ANTXRL: variants seen among roughly 807,000 people sequenced by gnomAD.
ANTXRL encodes ANTXR like.
Under a neutral mutation model 75.4 loss-of-function variants are expected in ANTXRL, and 63 were observed. The observed-to-expected ratio is 0.84, with a 90% CI of 0.68 to 1.03. The LOEUF (loss-of-function observed/expected upper bound fraction) is 1.03. Among genes scored for constraint, ANTXRL ranks in the 50% least tolerant of loss-of-function variants. The pLI is 0.00. For missense variants in ANTXRL, 797 were observed against 789.4 expected, an observed-to-expected ratio of 1.01 and a Z score of -0.12; for synonymous variants, 335 against 291.3, an observed-to-expected ratio of 1.15 and a Z score of -1.53.
At position 46,287,416 on chromosome 10, in the gene ANTXRL, C is replaced by T. The variant is rs782586069; in HGVS notation, c.154C>T (p.His52Tyr). 3 of 1,535,790 alleles carry T rather than the reference C, an allele frequency of 2.0e-6. No homozygotes were observed. Among genetic ancestry groups the T allele is most frequent in the African/African-American group, 1.4e-5 (1 of 72,972 alleles). ...RLALGSRRAHHHHGPGWRQHW... is the reference protein window; with the variant it reads ...RLALGSRRAHYHHGPGWRQHW... ...GGCCCTGGGCTCCAGGAGAGCCCAC[C>T]ACCACCATGGCCCAGGATGGAGGCA... The change falls in exon 1 of 17, where the codon CAC (histidine) becomes TAC (tyrosine). Residue 52 changes from histidine to tyrosine, a missense_variant. By Grantham distance (83) the His-to-Tyr change is moderately conservative. Coordinates refer to ENST00000620264, the MANE Select transcript of ANTXRL (RefSeq NM_001278688.3).
At position 46,296,065 on chromosome 10, in the gene ANTXRL, G is replaced by C; in HGVS notation, c.439G>C (p.Asp147His). ...TGACCAACTTCAGAAAATTGTGCCTGACGGTCACACATTCATGCAGGCAGG... is the reference window on the plus strand; with the variant it reads ...TGACCAACTTCAGAAAATTGTGCCTCACGGTCACACATTCATGCAGGCAGG... ...GLDQLQKIVP[D>H]GHTFMQAGFR... The change falls in exon 4 of 17, where the codon GAC (aspartate) becomes CAC (histidine). Residue 147 changes from aspartate (D) to histidine (H), a missense_variant. This residue lies in a region of ANTXRL where 262 missense variants were observed against 271.9 expected (regional missense o/e 0.96). Transcript: ENST00000620264. 2 of 1,535,966 alleles carry C rather than the reference G, an allele frequency of 1.3e-6. No homozygotes were observed. Among genetic ancestry groups the C allele is most frequent in the Non-Finnish European group, 1.7e-6 (2 of 1,146,764 alleles).
At chr10:46,301,276 T>G (rs1837725183) in intron 9 of ANTXRL, among the ~76,000 whole-genome samples, 2 of 152,220 alleles carry the variant, frequency 1.3e-5, no homozygotes, top group African/African-American at 2.4e-5. Context: ...TGGAAGCAGC[T>G]GCTGTCAGCC....
chr10:46,298,673 C>T (rs1199646169), intron 9 of ANTXRL, among the ~76,000 whole-genome samples: 2 of 148,956 alleles, frequency 1.3e-5, no homozygotes, highest in East Asian at 2.0e-4. Context: ...GTGTTTGTGT[C>T]GTATGGGGAG....
intron 8 of ANTXRL, 21 bp from the exon 9 acceptor site, chr10:46,297,981 C>T (rs1554959474): frequency 3.3e-6 from 5 of 1,535,820 alleles, no homozygotes; most frequent in East Asian, 2.4e-5. Context: ...CCTGTCCCGC[C>T]CCACCCCTCC....
chr10:46,292,058 G>A lies in ANTXRL; in HGVS notation c.249G>A (p.Lys83=). ...GSFDLYFILD[K]SGSVNNNWID... ...TGACCCACATCTCCTTTTGTTTTAG[G>A]TCTGGCAGCGTGAACAATAACTGGA... Residue 83 remains lysine, a splice_region_variant and synonymous_variant, in exon 2 of 17, where the codon AAG becomes AAA. Transcript: ENST00000620264. 1.3e-6 allele frequency: 2 copies of A among 1,536,220 alleles called. No homozygotes were observed. The highest frequency in any genetic ancestry group is 1.7e-4 in the Middle Eastern group (1 of 5,980).
chr10:46,303,216 C>T (rs1216444448), intron 10 of ANTXRL, among the ~76,000 whole-genome samples: 1 of 152,148 alleles, frequency 6.6e-6, no homozygotes, highest in Non-Finnish European at 1.5e-5. Context: ...CCTGAATGGC[C>T]AGGTGCACCA....
At chr10:46,297,136 G>A in intron 5 of ANTXRL, 116 bp from the exon 6 acceptor site, 1 of 830,962 alleles carries the variant, frequency 1.2e-6, no homozygotes, top group Admixed American at 2.3e-5. Context: ...GGGGGCACGT[G>A]GCCATGCCCT....
At position 46,311,638 on chromosome 10, in the gene ANTXRL, A is replaced by T. The variant is rs1172816737; in HGVS notation, c.1302A>T (p.Gln434His). ...PTVIICCCGC[Q>H]GVGGMRRIEG... ...TGATTATTTGTTGCTGTGGATGCCA[A>T]GGAGTGGGCGGGATGAGAAGGATAG... is the stretch of plus-strand genomic sequence containing the variant. Residue 434 changes from glutamine to histidine, a missense_variant, in exon 15 of 17, where the codon CAA (glutamine) becomes CAT (histidine). By Grantham distance (24) the Gln-to-His change is conservative. Transcript: ENST00000620264. 8.1e-7 allele frequency: 1 copy of T among 1,234,260 alleles called. No homozygotes were observed. Among genetic ancestry groups the T allele is most frequent in the Non-Finnish European group, 1.1e-6 (1 of 871,230 alleles). 76.5% of individuals were successfully genotyped at this position (1,234,260 alleles called of 1,614,324 possible).
chr10:46,315,039 C>G (rs1187181599), intron 16 of ANTXRL, among the ~76,000 whole-genome samples: 1 of 152,204 alleles, frequency 6.6e-6, no homozygotes, highest in Non-Finnish European at 1.5e-5. Context: ...TTCAGACAAT[C>G]TGGCAGGAGT....
rs1838178759 is a variant in ANTXRL, at chr10:46,307,734, T to C, written c.1044+254T>C. ...AGGAGCCCTGGAGGATTCCACACAC[T>C]GCCGTCAGGGTATGTGTGTGCTGCT... On this transcript the variant is annotated intron_variant, in intron 12 of 16. Transcript: ENST00000620264. 3.3e-5 allele frequency among the ~76,000 whole-genome samples: 5 copies of C among 152,188 alleles called. No homozygotes were observed. The South Asian group carries it at 8.3e-4, about 25-fold the overall frequency.
intron 1 of ANTXRL, among the ~76,000 whole-genome samples, chr10:46,289,761 CTA>C (rs1335308412): frequency 1.3e-5 from 2 of 152,038 alleles, no homozygotes; most frequent in Non-Finnish European, 2.9e-5. Flanking sequence ...CAAAAAACTT[CTA>C]TTTCCATTAA....
chr10:46,306,545 T>C (rs1169517578), intron 10 of ANTXRL, among the ~76,000 whole-genome samples: 1 of 152,102 alleles, frequency 6.6e-6, no homozygotes, highest in Admixed American at 6.5e-5. Flanking sequence ...GTTTTTTATT[T>C]TGTTTTCTGT....
intron 9 of ANTXRL, among the ~76,000 whole-genome samples, chr10:46,299,562 G>A (rs1554959937): frequency 6.6e-6 from 1 of 152,076 alleles, no homozygotes. Context: ...ACATTACTAG[G>A]CCCTTAGCAA....
At chr10:46,308,493 C>A in intron 12 of ANTXRL, 1 of 449,068 alleles carries the variant, frequency 2.2e-6, no homozygotes, top group Non-Finnish European at 4.5e-6. Flanking sequence ...ATGAGGAAGG[C>A]CTGAGCAGCC....
At chr10:46,307,006 C>A in intron 11 of ANTXRL, 134 bp downstream of exon 11, 1 of 740,766 alleles carries the variant, frequency 1.3e-6, no homozygotes, top group Non-Finnish European at 2.1e-6. Flanking sequence ...CAAAGAGCAC[C>A]CTCCTCCCCA....
At chr10:46,293,279 AGAGTGTGTGCGTGTGTGCCTGTGT>A (rs1459137387) in intron 2 of ANTXRL, among the ~76,000 whole-genome samples, 901 of 30,006 alleles carry the variant, frequency 0.03, 12 homozygotes, top group Middle Eastern at 0.062. Flanking sequence ...TGCGTGTGTG[AGAGTGTGTGCGTGTGTGCCTGTGT>A]GTGTGTGCGT....
At chr10:46,326,882 C>T (rs868937000) in intron 16 of ANTXRL, among the ~76,000 whole-genome samples, 2 of 152,272 alleles carry the variant, frequency 1.3e-5, no homozygotes, top group South Asian at 2.1e-4. Context: ...CGCTCTTGCT[C>T]TGGGTACGGC....
At chr10:46,320,513 C>T (rs186944152) in intron 16 of ANTXRL, among the ~76,000 whole-genome samples, 23 of 152,268 alleles carry the variant, frequency 1.5e-4, no homozygotes, top group African/African-American at 5.3e-4. Context: ...GGGCATATTG[C>T]TTGAGTCCAG....
At chr10:46,287,622 G>T in intron 1 of ANTXRL, 112 bp downstream of exon 1, 1 of 1,413,196 alleles carries the variant, frequency 7.1e-7, no homozygotes, top group South Asian at 1.5e-5. Flanking sequence ...ACAGAAGCAG[G>T]GCCAAACTTT....
Sources: allele counts gnomAD v4.1 joint callset (sites outside exome capture counted in the v4.1 genomes callset), GRCh38; gene constraint gnomAD v4.1.1; regional missense constraint gnomAD v4.1.1; transcripts MANE v1.5; gene names NCBI Gene and HGNC (gene_info 2026-07-23, HGNC 2026-07-21).